Variants in ATP4B observed in about 807,000 individuals in gnomAD.
The protein encoded by ATP4B is ATPase H+/K+ transporting subunit beta, also known as potassium-transporting ATPase subunit beta.
A neutral mutation model predicts 35.3 loss-of-function variants in ATP4B; 27 were observed. That is an observed-to-expected ratio of 0.76 (90% CI 0.56 to 1.05). The LOEUF (loss-of-function observed/expected upper bound fraction) is 1.05. Among genes scored for constraint, ATP4B ranks in the 50% least tolerant of loss-of-function variants. The pLI is 0.00. For missense variants in ATP4B, 375 were observed against 384.8 expected (o/e 0.97, Z 0.21); for synonymous variants, 162 against 156.0 (o/e 1.04, Z -0.29).
At chr13:113,654,372 G>C (rs543357854) in intron 2 of ATP4B, among the ~76,000 whole-genome samples, 3 of 152,310 alleles carry the variant, frequency 2.0e-5, no homozygotes, top group Admixed American at 6.5e-5. Flanking sequence ...TGATGTGTAG[G>C]TGACCAGCGG....
rs1204279320 is a variant in ATP4B, at chr13:113,652,897, T to C, written c.531A>G (p.Pro177=). The change falls in exon 4 of 7, where the codon CCA becomes CCG. Residue 177 remains proline, a synonymous_variant. Transcript: ENST00000335288. ...DPNFGFEEGK[P]CFIIKMNRIV... is the part of the protein sequence containing the mutation. ...CCCTGTTCATTTTAATAATAAAACA[T>C]GGCTTTCCTTCTTCAAAGCCGAAGT... 6.2e-7 allele frequency: 1 copy of C among 1,614,188 alleles called. No homozygotes were observed. Among genetic ancestry groups the C allele is most frequent in the Non-Finnish European group, 8.5e-7 (1 of 1,180,030 alleles).
intron 3 of ATP4B, 65 bp downstream of exon 3, chr13:113,653,252 TCACC>T: frequency 8.9e-6 from 13 of 1,457,416 alleles, no homozygotes; most frequent in South Asian, 7.1e-5. Flanking sequence ...GCTTCACACC[TCACC>T]CACCCGCCGC....
chr13:113,657,594 G>A (rs781397716), intron 1 of ATP4B, among the ~76,000 whole-genome samples: 8 of 152,230 alleles, frequency 5.3e-5, no homozygotes, highest in Non-Finnish European at 1.0e-4. Context: ...GCATCTGGAC[G>A]CCAGCGGGTG....
chr13:113,651,473 C>A (rs1436280829), intron 5 of ATP4B, among the ~76,000 whole-genome samples, 198 bp downstream of exon 5: 3 of 152,218 alleles, frequency 2.0e-5, no homozygotes, highest in African/African-American at 7.2e-5. Context: ...AAGAAAAAGC[C>A]CCATTGTTTC....
chr13:113,657,321 G>T (rs1417072224), intron 1 of ATP4B, among the ~76,000 whole-genome samples: 1 of 152,232 alleles, frequency 6.6e-6, no homozygotes, highest in South Asian at 2.1e-4. Flanking sequence ...GTCGCAGGGG[G>T]AGGTGGGGGC....
Position 113,654,637 on chromosome 13 carries a change from G to A in ATP4B, c.241+177C>T, listed in dbSNP as rs554855943. Among the ~76,000 whole-genome samples, 25 of 152,360 alleles carry A rather than the reference G, an allele frequency of 1.6e-4. No individual in the cohort carries two copies. The South Asian group carries it at 2.1e-3, about 13-fold the overall frequency. On this transcript the variant is annotated intron_variant, in intron 2 of 6. Transcript: ENST00000335288. Reference sequence around the variant, plus strand: ...TGCTGCTCTTAAAGCCGGTTCAGGGGCCAGGGGCTGCCCTCGGGGGCACCT... The same window carrying A: ...TGCTGCTCTTAAAGCCGGTTCAGGGACCAGGGGCTGCCCTCGGGGGCACCT...
At position 113,658,048 on chromosome 13, in the gene ATP4B, T is replaced by C. The variant is rs762354278; in HGVS notation, c.97A>G (p.Thr33Ala). Residue 33 changes from threonine to alanine, a missense_variant, in exon 1 of 7, where the codon ACC (threonine) becomes GCC (alanine). Transcript: ENST00000335288. ...NPDTGQMLGR[T>A]LSRWVWISLY... ...CCGCACGTACCCCACCGGGACAGGGTGCGGCCCAGCATCTGCCCCGTGTCC... is the reference window on the plus strand; with the variant it reads ...CCGCACGTACCCCACCGGGACAGGGCGCGGCCCAGCATCTGCCCCGTGTCC... 1.2e-6 allele frequency: 2 copies of C among 1,601,200 alleles called. No homozygotes were observed. Among genetic ancestry groups the C allele is most frequent in the Non-Finnish European group, 1.7e-6 (2 of 1,175,150 alleles).
intron 1 of ATP4B, among the ~76,000 whole-genome samples, chr13:113,656,831 T>C (rs1169976272): frequency 6.6e-6 from 1 of 151,528 alleles, no homozygotes; most frequent in African/African-American, 2.4e-5. Flanking sequence ...CACATGGGAG[T>C]CTCAGCATCT....
At chr13:113,651,473 C>T (rs1436280829) in intron 5 of ATP4B, among the ~76,000 whole-genome samples, 198 bp downstream of exon 5, 1 of 152,218 alleles carries the variant, frequency 6.6e-6, no homozygotes, top group Admixed American at 6.5e-5. Context: ...AAGAAAAAGC[C>T]CCATTGTTTC....
Position 113,649,324 on chromosome 13 carries a change from T to A in ATP4B, c.*50A>T. The A allele has an allele frequency of 6.5e-7, 1 of 1,547,050 alleles. No homozygotes were observed. Among genetic ancestry groups the A allele is most frequent in the African/African-American group, 1.4e-5 (1 of 73,112 alleles). On this transcript the variant is annotated 3_prime_UTR_variant, in exon 7 of 7. Coordinates refer to ENST00000335288, the MANE Select transcript of ATP4B (RefSeq NM_000705.4). This position sits in a 1 kb window ranked among gnomAD's most constrained non-coding sequence, Gnocchi z 4.7. ...GGCAAGGTAAGCCCAACCAGGAGGG[T>A]GTCCTTGAGCGACCCCGCAGGCGTG... is the stretch of plus-strand genomic sequence containing the variant.
chr13:113,649,217 T>C lies in ATP4B; in HGVS notation c.*157A>G. Reference sequence around the variant, plus strand: ...GATACTCGCGAGCAGGTCCTTCAGATGTGGGCGCTTCTCTGGAGTTCGCAC... The same window carrying C: ...GATACTCGCGAGCAGGTCCTTCAGACGTGGGCGCTTCTCTGGAGTTCGCAC... On this transcript the variant is annotated 3_prime_UTR_variant, in exon 7 of 7. Coordinates refer to ENST00000335288, the MANE Select transcript of ATP4B (RefSeq NM_000705.4). The surrounding 1 kb of genome is among the most constrained non-coding windows in gnomAD (Gnocchi z 4.7). The C allele has an allele frequency of 1.4e-6, 1 of 721,082 alleles. No homozygotes were observed. The highest frequency in any genetic ancestry group is 2.2e-5 in the South Asian group (1 of 45,080). 44.7% of individuals were successfully genotyped at this position (721,082 alleles called of 1,614,324 possible). A position where few individuals can be genotyped will look rare whatever the true frequency, so the allele number is the denominator to read the frequency against.
chr13:113,653,036 C>A lies in ATP4B; in HGVS notation c.392G>T (p.Cys131Phe). 3 of 1,613,328 alleles carry A rather than the reference C, an allele frequency of 1.9e-6. No individual in the cohort carries two copies. Among genetic ancestry groups the A allele is most frequent in the Non-Finnish European group, 2.5e-6 (3 of 1,179,424 alleles). ...SPAAQEDSIN[C>F]TSEQYFFQES... ...CTGGAAGAAGTACTGCTCGGAGGTG[C>A]AGTTGATGCTGTCCTCCTGGGCTGC... Residue 131 changes from cysteine (C) to phenylalanine (F), a missense_variant, in exon 4 of 7, where the codon TGC becomes TTC. Transcript: ENST00000335288.
At chr13:113,653,889 G>A (rs571927094) in intron 2 of ATP4B, among the ~76,000 whole-genome samples, 4 of 152,208 alleles carry the variant, frequency 2.6e-5, no homozygotes, top group East Asian at 3.9e-4. Flanking sequence ...CAGAGCCGTC[G>A]ACTTTCCCGA....
Position 113,650,062 on chromosome 13 carries a change from C to T in ATP4B, c.714+344G>A, listed in dbSNP as rs2049699594. 6.6e-6 allele frequency among the ~76,000 whole-genome samples: 1 copy of T among 151,596 alleles called. No individual in the cohort carries two copies. The highest frequency in any genetic ancestry group is 2.4e-5 in the African/African-American group (1 of 41,200). On this transcript the variant is annotated intron_variant, in intron 6 of 6. Coordinates refer to ENST00000335288, the MANE Select transcript of ATP4B (RefSeq NM_000705.4). This position sits in a 1 kb window ranked among gnomAD's most constrained non-coding sequence, Gnocchi z 5.0. ...CCTGTGGTCTCAGCTACTTAGGAGG[C>T]TGAGGTGGGAGGATCACTTGAGCCC... is the stretch of plus-strand genomic sequence containing the variant.
intron 1 of ATP4B, among the ~76,000 whole-genome samples, 180 bp from the exon 2 acceptor site, chr13:113,655,122 G>A (rs557846461): frequency 7.9e-5 from 12 of 152,018 alleles, no homozygotes; most frequent in East Asian, 3.9e-4. Flanking sequence ...CCCTCCCAGC[G>A]CCGCACCACC....
chr13:113,651,834 T>C, intron 4 of ATP4B, 107 bp from the exon 5 acceptor site: 1 of 1,364,342 alleles, frequency 7.3e-7, no homozygotes, highest in South Asian at 1.4e-5. Flanking sequence ...GCCTGGGCTT[T>C]CTGACCAGGA....
In ATP4B at chr13:113,658,072, C is replaced by T. The variant is rs757178340; in HGVS notation, c.73G>A (p.Asp25Asn). 2.5e-6 allele frequency: 4 copies of T among 1,611,262 alleles called. No homozygotes were observed. In the East Asian group the frequency reaches 8.9e-5, roughly 36 times the overall value. Residue 25 changes from aspartate to asparagine, a missense_variant, in exon 1 of 7, where the codon GAC (aspartate) becomes AAC (asparagine). Asp to Asn is a conservative substitution (Grantham distance 23). Transcript: ENST00000335288. ...GTGCGGCCCAGCATCTGCCCCGTGT[C>T]CGGGTTCCAGCAGTAACGCTGGAAC... is the stretch of plus-strand genomic sequence containing the variant. ...EEFQRYCWNP[D>N]TGQMLGRTLS... is the part of the protein sequence containing the mutation.
At position 113,658,019 on chromosome 13, in the gene ATP4B, C is replaced by T. The variant is rs1429014151; in HGVS notation, c.112+14G>A. ...CCCCTCCATGCACCCAGCCGGCCCG[C>T]CCCCCGCACGTACCCCACCGGGACA... On this transcript the variant is annotated intron_variant, in intron 1 of 6. Coordinates refer to ENST00000335288, the MANE Select transcript of ATP4B (RefSeq NM_000705.4). 1 of 1,584,800 alleles carries T rather than the reference C, an allele frequency of 6.3e-7. No individual in the cohort carries two copies. The highest frequency in any genetic ancestry group is 2.3e-5 in the East Asian group (1 of 43,562).
Position 113,652,856 on chromosome 13 carries a change from A to G in ATP4B, c.555+17T>C, listed in dbSNP as rs762089260. On this transcript the variant is annotated intron_variant, in intron 4 of 6. Coordinates refer to ENST00000335288, the MANE Select transcript of ATP4B (RefSeq NM_000705.4). ...GCACTGTTGTAGTGGCGTGTGAAGG[A>G]GACCCTCAGTACTCACCCTGTTCAT... is the stretch of plus-strand genomic sequence containing the variant. 2 of 1,613,112 alleles carry G rather than the reference A, an allele frequency of 1.2e-6. No homozygotes were observed. The highest frequency in any genetic ancestry group is 1.7e-6 in the Non-Finnish European group (2 of 1,179,298).
Sources: gnomAD v4.1 joint callset for allele counts (sites outside exome capture counted in the v4.1 genomes callset) on GRCh38, gnomAD v4.1.1 for gene constraint, Gnocchi (gnomAD v3.1) non-coding constraint, MANE v1.5 for transcripts, NCBI Gene and HGNC (gene_info 2026-07-23, HGNC 2026-07-21) for gene names.